Variants in VWA8 observed in about 807,000 individuals in gnomAD.
The protein encoded by VWA8 is von Willebrand factor A domain-containing protein 8.
Under a neutral mutation model 241.5 loss-of-function variants are expected in VWA8, and 221 were observed. That is an observed-to-expected ratio of 0.91 (90% CI 0.82 to 1.02). The LOEUF (loss-of-function observed/expected upper bound fraction) is 1.02. Among genes scored for constraint, VWA8 ranks in the 50% least tolerant of loss-of-function variants. The pLI is 0.00. For missense variants in VWA8, 2,322 were observed against 2,328.7 expected (o/e 1.00, Z 0.06); for synonymous variants, 852 against 827.1 (o/e 1.03, Z -0.52).
At chr13:41,687,370 C>T (rs1382471899) in intron 34 of VWA8, among the ~76,000 whole-genome samples, 3 of 152,110 alleles carry the variant, frequency 2.0e-5, no homozygotes, top group African/African-American at 7.2e-5. Context: ...ATTCTTATAG[C>T]TATTTGGTAT....
In VWA8 at chr13:41,806,009, A is replaced by AAT. The variant is rs1368600333; in HGVS notation, c.2063+5215_2063+5216insAT. ...CTTAAAAAATTCAAAAATAAAAAAAAAAAAAAAAGAAATGATGTCAAGTAT... is the reference window on the plus strand; with the variant it reads ...CTTAAAAAATTCAAAAATAAAAAAAAATAAAAAAAAGAAATGATGTCAAGTAT... On this transcript the variant is annotated intron_variant, in intron 17 of 44. Transcript: ENST00000379310. 5.6e-5 allele frequency among the ~76,000 whole-genome samples: 8 copies of AAT among 143,720 alleles called. No individual in the cohort carries two copies. In the East Asian group the frequency reaches 8.3e-4, roughly 15 times the overall value. 94.3% of individuals were successfully genotyped at this position (143,720 alleles called of 152,430 possible). A position where few individuals can be genotyped will look rare whatever the true frequency, so the allele number is the denominator to read the frequency against.
intron 37 of VWA8, among the ~76,000 whole-genome samples, chr13:41,668,794 G>C (rs891040607): frequency 1.3e-5 from 2 of 152,162 alleles, no homozygotes; most frequent in Non-Finnish European, 2.9e-5. Flanking sequence ...ACTCATGTTT[G>C]AGTATGTATA....
intron 20 of VWA8, among the ~76,000 whole-genome samples, chr13:41,763,252 A>G (rs762033893): frequency 3.1e-4 from 47 of 151,974 alleles, no homozygotes; most frequent in Non-Finnish European, 5.0e-4. Context: ...TCACACCACT[A>G]CATTACAGCC....
intron 21 of VWA8, among the ~76,000 whole-genome samples, chr13:41,737,561 T>C (rs2045534983): frequency 6.6e-6 from 1 of 152,202 alleles, no homozygotes; most frequent in Non-Finnish European, 1.5e-5. Flanking sequence ...TGCTATCCGA[T>C]ACAACAATAG....
chr13:41,750,432 A>AAAC (rs148479463), intron 21 of VWA8, among the ~76,000 whole-genome samples: 110 of 144,498 alleles, frequency 7.6e-4, no homozygotes, highest in African/African-American at 1.5e-3. Context: ...ACTCCATCTA[A>AAAC]AACAACAACA....
intron 4 of VWA8, among the ~76,000 whole-genome samples, chr13:41,896,157 A>G (rs931324730): frequency 6.6e-6 from 1 of 152,122 alleles, no homozygotes; most frequent in Non-Finnish European, 1.5e-5. Context: ...TAAATGAAAG[A>G]GGTTAGAGAG....
intron 21 of VWA8, among the ~76,000 whole-genome samples, chr13:41,734,891 T>C (rs970898942): frequency 6.6e-6 from 1 of 152,234 alleles, no homozygotes; most frequent in Non-Finnish European, 1.5e-5. Context: ...TGGCAAGTTA[T>C]TGGTGATTAT....
chr13:41,573,486 A>ATAAATAAATAAAT (rs1555303592), intron 43 of VWA8, among the ~76,000 whole-genome samples: 16 of 113,614 alleles, frequency 1.4e-4, no homozygotes, highest in African/African-American at 5.5e-4. Context: ...AAAAAAAAAA[A>ATAAATAAATAAAT]ATATATATAT....
intron 13 of VWA8, among the ~76,000 whole-genome samples, 183 bp from the exon 14 acceptor site, chr13:41,830,825 T>G (rs1871419438): frequency 1.3e-5 from 2 of 152,118 alleles, no homozygotes. Context: ...AACTGTTGGT[T>G]TCTGTACTGG....
At chr13:41,936,519 A>C (rs916742346) in intron 2 of VWA8, among the ~76,000 whole-genome samples, 3 of 152,172 alleles carry the variant, frequency 2.0e-5, no homozygotes, top group African/African-American at 7.2e-5. Context: ...TCATTTAAAC[A>C]ATGTCTTTAA....
chr13:41,606,606 T>G (rs1443872015), intron 39 of VWA8, among the ~76,000 whole-genome samples: 16 of 152,188 alleles, frequency 1.1e-4, no homozygotes, highest in Non-Finnish European at 1.5e-5. Context: ...AACTCTTATC[T>G]AATGTGTATT....
chr13:41,732,054 A>G (rs1351818999), intron 22 of VWA8, 26 bp downstream of exon 22: 17 of 1,591,902 alleles, frequency 1.1e-5, no homozygotes, highest in Non-Finnish European at 1.5e-5. Flanking sequence ...TACACTTGAA[A>G]ATATTTCTAT....
intron 26 of VWA8, among the ~76,000 whole-genome samples, chr13:41,714,773 T>C (rs945142767): frequency 1.3e-5 from 2 of 151,986 alleles, no homozygotes; most frequent in Non-Finnish European, 2.9e-5. Flanking sequence ...TACTCTTCAC[T>C]TTGAACTATG....
intron 12 of VWA8, among the ~76,000 whole-genome samples, chr13:41,846,854 T>C (rs917401708): frequency 6.6e-6 from 1 of 152,006 alleles, no homozygotes; most frequent in Non-Finnish European, 1.5e-5. Context: ...CCGGCCAACA[T>C]GGTGAAACCC....
intron 9 of VWA8, among the ~76,000 whole-genome samples, chr13:41,878,095 A>G (rs931661420): frequency 2.8e-4 from 43 of 152,164 alleles, no homozygotes; most frequent in Non-Finnish European, 6.2e-4. Flanking sequence ...ATGCAACTAT[A>G]CATTAATTTC....
chr13:41,649,121 T>C (rs1298190314), intron 37 of VWA8, among the ~76,000 whole-genome samples: 2 of 151,846 alleles, frequency 1.3e-5, no homozygotes, highest in African/African-American at 2.4e-5. Flanking sequence ...GGAGGCGGAG[T>C]TGCAGTGAGC....
At chr13:41,908,191 C>T (rs188702914) in intron 3 of VWA8, among the ~76,000 whole-genome samples, 2 of 152,132 alleles carry the variant, frequency 1.3e-5, no homozygotes, top group Non-Finnish European at 2.9e-5. Context: ...ATCAGCTGGG[C>T]GCTGTGGCTC....
chr13:41,567,305 C>T lies in VWA8; in HGVS notation c.*892G>A, dbSNP rs2044267769. On this transcript the variant is annotated 3_prime_UTR_variant, in exon 45 of 45. Transcript: ENST00000379310. Reference sequence around the variant, plus strand: ...TCACCATTCACTTCAAATATACCACCTTGATTTTACTTTTTTTACTTTGCT... The same window carrying T: ...TCACCATTCACTTCAAATATACCACTTTGATTTTACTTTTTTTACTTTGCT... 6.6e-6 allele frequency: 1 copy of T among 152,136 alleles called. No individual in the cohort carries two copies. The highest frequency in any genetic ancestry group is 6.5e-5 in the Admixed American group (1 of 15,282). The allele number at this position is 152,136 out of a possible 1,614,324, so 9.4% of individuals were successfully genotyped here. A position where few individuals can be genotyped will look rare whatever the true frequency, so the allele number is the denominator to read the frequency against.
At chr13:41,637,330 G>A (rs1280147733) in intron 37 of VWA8, among the ~76,000 whole-genome samples, 13 of 147,016 alleles carry the variant, frequency 8.8e-5, no homozygotes, top group Non-Finnish European at 1.6e-4. Flanking sequence ...ACCAAACACC[G>A]CATGTTCTCA....
Sources: allele counts gnomAD v4.1 joint callset (sites outside exome capture counted in the v4.1 genomes callset), GRCh38; gene constraint gnomAD v4.1.1; transcripts MANE v1.5; gene names NCBI Gene and HGNC (gene_info 2026-07-23, HGNC 2026-07-21).